The following ATP2C1 variants were observed in gnomAD, a reference collection of about 807,000 sequenced individuals.
ATP2C1 encodes the protein calcium-transporting ATPase type 2C member 1.
Under a neutral mutation model 120.5 loss-of-function variants are expected in ATP2C1, and 31 were observed. That is an observed-to-expected ratio of 0.26 (90% CI 0.19 to 0.35). The LOEUF is 0.35. ATP2C1 is among the 10% of genes least tolerant of loss of function. The pLI is 1.00. For missense variants in ATP2C1, 731 were observed against 1,107.5 expected (o/e 0.66, Z 4.83); for synonymous variants, 351 against 358.7 (o/e 0.98, Z 0.24).
chr3:130,953,882 T>C lies in ATP2C1; in HGVS notation c.593T>C (p.Val198Ala), dbSNP rs764052498. The C allele has an allele frequency of 3.7e-6, 6 of 1,614,052 alleles. No individual in the cohort carries two copies. Among genetic ancestry groups the C allele is most frequent in the Non-Finnish European group, 5.1e-6 (6 of 1,179,962 alleles). The part of the protein sequence containing the change: ...LTGETTPCSK[V>A]TAPQPAATNG... ...GGTGAGACAACGCCTTGTTCTAAGG[T>C]GACAGCTCCTCAGCCAGCTGCAACT... The change falls in exon 9 of 28, where the codon GTG (valine) becomes GCG (alanine). Residue 198 changes from valine to alanine, a missense_variant. Around this residue, in one of 3 missense-constraint regions of ATP2C1, gnomAD observed 571 missense variants for 845.9 expected, o/e 0.67. Coordinates refer to ENST00000510168, the MANE Select transcript of ATP2C1 (RefSeq NM_001378687.1).
intron 2 of ATP2C1, among the ~76,000 whole-genome samples, chr3:130,914,095 T>C (rs1394376261): frequency 6.6e-6 from 1 of 152,190 alleles, no homozygotes; most frequent in Admixed American, 6.5e-5. Flanking sequence ...TCCTATTATG[T>C]TTCCTCCAAC....
intron 2 of ATP2C1, among the ~76,000 whole-genome samples, chr3:130,926,882 A>G (rs79382420): frequency 0.12 from 18,987 of 152,290 alleles, 1,420 homozygotes; most frequent in South Asian, 0.23. Context: ...CTTGTGTGCA[A>G]TGAAACCAGT....
chr3:130,924,669 A>G (rs1211637617), intron 2 of ATP2C1, among the ~76,000 whole-genome samples: 2 of 152,136 alleles, frequency 1.3e-5, no homozygotes, highest in East Asian at 3.8e-4. Flanking sequence ...ATGTTTTCCA[A>G]ACTTTCAAAT....
At chr3:130,855,690 A>G (rs1049811572) in intron 1 of ATP2C1, among the ~76,000 whole-genome samples, 26 of 152,220 alleles carry the variant, frequency 1.7e-4, no homozygotes, top group Admixed American at 6.5e-4. Flanking sequence ...TGAGAAAAAA[A>G]CTCTACAGGA....
At chr3:130,867,521 AC>A (rs2068224887) in intron 1 of ATP2C1, among the ~76,000 whole-genome samples, 1 of 147,444 alleles carries the variant, frequency 6.8e-6, no homozygotes, top group Non-Finnish European at 1.5e-5. Context: ...CCAGCTCCTA[AC>A]CGCGAGTGAT....
chr3:130,993,808 T>A (rs1426467361), intron 21 of ATP2C1, 124 bp from the exon 22 acceptor site: 1 of 948,700 alleles, frequency 1.1e-6, no homozygotes, highest in Non-Finnish European at 1.6e-6. Flanking sequence ...GAACAATGGG[T>A]GGTCTATATT....
chr3:131,011,615 G>A (rs2063319388), intron 26 of ATP2C1, among the ~76,000 whole-genome samples: 1 of 152,158 alleles, frequency 6.6e-6, no homozygotes, highest in Admixed American at 6.5e-5. Context: ...TTTAAAGCCA[G>A]GTCAAAAGCC....
intron 26 of ATP2C1, among the ~76,000 whole-genome samples, chr3:131,009,592 G>A (rs1178825272): frequency 6.6e-6 from 1 of 152,022 alleles, no homozygotes; most frequent in African/African-American, 2.4e-5. Context: ...GTGCAGTCAC[G>A]CCTTTTAAAT....
chr3:130,900,035 CT>C (rs1307665381), intron 2 of ATP2C1, among the ~76,000 whole-genome samples: 2 of 151,648 alleles, frequency 1.3e-5, no homozygotes, highest in Non-Finnish European at 2.9e-5. Flanking sequence ...GTATGACATC[CT>C]TTTTTTTCCC....
At chr3:130,883,945 C>CTTTTTTTTTTTTTTTTTTTT (rs35365168) in intron 1 of ATP2C1, among the ~76,000 whole-genome samples, 6 of 122,438 alleles carry the variant, frequency 4.9e-5, no homozygotes, top group Non-Finnish European at 6.7e-5. Flanking sequence ...TTCTTTTCTT[C>CTTTTTTTTTTTTTTTTTTTT]TTTTTTTTTT....
At chr3:130,954,748 A>G (rs112680154) in intron 9 of ATP2C1, among the ~76,000 whole-genome samples, 3 of 152,144 alleles carry the variant, frequency 2.0e-5, no homozygotes, top group African/African-American at 7.2e-5. Context: ...CGGCCACCCA[A>G]AGTACTGGCA....
At chr3:130,941,266 CTGTGT>C (rs2059903260) in intron 7 of ATP2C1, among the ~76,000 whole-genome samples, 1 of 79,832 alleles carries the variant, frequency 1.3e-5, no homozygotes, top group African/African-American at 4.9e-5. Flanking sequence ...GTGTGTGTGT[CTGTGT>C]GTGTGCGCGC....
chr3:130,936,621 G>A (rs1042824825), intron 5 of ATP2C1, among the ~76,000 whole-genome samples: 3 of 151,602 alleles, frequency 2.0e-5, no homozygotes, highest in Non-Finnish European at 4.4e-5. Context: ...GACCATCCTG[G>A]CTAACATGGT....
chr3:130,893,083 T>C (rs1305590565), upstream of ATP2C1, among the ~76,000 whole-genome samples: 1 of 152,184 alleles, frequency 6.6e-6, no homozygotes, highest in Non-Finnish European at 1.5e-5. Flanking sequence ...CCTCTAGTGG[T>C]TATGGGTGTG....
chr3:130,850,875 C>A, exon 1 of ATP2C1: 1 of 1,442,912 alleles, frequency 6.9e-7, no homozygotes, highest in Non-Finnish European at 9.1e-7. Flanking sequence ...ATATCCTCTC[C>A]ATGCAATTAG....
chr3:131,016,043 GTT>G, intron 26 of ATP2C1: 4 of 1,270,800 alleles, frequency 3.1e-6, no homozygotes, highest in Admixed American at 2.2e-5. Context: ...TTTTGTTTTG[GTT>G]TTTTTTTTTA....
intron 2 of ATP2C1, among the ~76,000 whole-genome samples, chr3:130,898,797 G>A (rs750898319): frequency 1.3e-5 from 2 of 152,148 alleles, no homozygotes; most frequent in East Asian, 1.9e-4. Flanking sequence ...TGATTTTGGA[G>A]ATCTTAGTTA....
chr3:130,867,152 C>T lies in ATP2C1; in HGVS notation c.108+16224C>T, dbSNP rs1370460338. Among the ~76,000 whole-genome samples the T allele has an allele frequency of 2.0e-5, 3 of 152,262 alleles. No homozygotes were observed. In the East Asian group the frequency reaches 5.8e-4, roughly 29 times the overall value. On this transcript the variant is annotated intron_variant, in intron 1 of 26. Transcript: ENST00000504381. ...CTCCACTGACCAGTGATTTCCCCAG[C>T]TCTCTTCTCCTTGGGCCTTCCTATT...
At position 130,953,870 on chromosome 3, in the gene ATP2C1, CT is replaced by C. The variant is rs1164920680; in HGVS notation, c.583del (p.Cys195ValfsTer4). On this transcript the variant is annotated frameshift_variant, in exon 9 of 28. Coordinates refer to ENST00000510168, the MANE Select transcript of ATP2C1 (RefSeq NM_001378687.1). LOFTEE classifies it high-confidence loss of function. ...DESSLTGETT[P>X]CSKVTAPQPA... ...TCCAGCTTGACAGGTGAGACAACGCCTTGTTCTAAGGTGACAGCTCCTCAGC... is the reference window on the plus strand; with the variant it reads ...TCCAGCTTGACAGGTGAGACAACGCCTGTTCTAAGGTGACAGCTCCTCAGC... 1 of 1,613,908 alleles carries C rather than the reference CT, an allele frequency of 6.2e-7. No individual in the cohort carries two copies.
Sources: allele counts gnomAD v4.1 joint callset (sites outside exome capture counted in the v4.1 genomes callset), GRCh38; gene constraint gnomAD v4.1.1; regional missense constraint gnomAD v4.1.1; transcripts MANE v1.5; gene names NCBI Gene and HGNC (gene_info 2026-07-23, HGNC 2026-07-21).